Variants in PBX1 observed in about 807,000 individuals in gnomAD.
PBX1 encodes PBX homeobox 1.
Under a neutral mutation model 53.4 loss-of-function variants are expected in PBX1, and 6 were observed. That is an observed-to-expected ratio of 0.11 (90% CI 0.06 to 0.22). The LOEUF is 0.22. PBX1 is among the 10% of genes least tolerant of loss of function. PBX1 has a pLI of 1.00. For synonymous variants in PBX1, 204 were observed against 212.3 expected (o/e 0.96, Z 0.34); for missense variants, 251 against 551.4 (o/e 0.46, Z 5.46).
chr1:164,570,321 C>G (rs575838388), intron 2 of PBX1, among the ~76,000 whole-genome samples: 1 of 152,170 alleles, frequency 6.6e-6, no homozygotes, highest in African/African-American at 2.4e-5. Flanking sequence ...AACCCGTCAT[C>G]TACATTAGGT....
At chr1:164,839,074 T>C (rs1671173519) in intron 8 of PBX1, among the ~76,000 whole-genome samples, 2 of 152,214 alleles carry the variant, frequency 1.3e-5, no homozygotes, top group Admixed American at 6.5e-5. Flanking sequence ...CTGGCCTTCT[T>C]TGAGTCCCTT....
chr1:164,863,858 C>A (rs1254916726), intron 2 of PBX1, among the ~76,000 whole-genome samples: 1 of 152,158 alleles, frequency 6.6e-6, no homozygotes, highest in Non-Finnish European at 1.5e-5. Flanking sequence ...CATGTTTTCA[C>A]TCATTTTTCA....
chr1:164,578,370 ATCTC>A, intron 2 of PBX1, among the ~76,000 whole-genome samples: 1 of 152,326 alleles, frequency 6.6e-6, no homozygotes, highest in Admixed American at 6.5e-5. Context: ...TTAAAAATGA[ATCTC>A]TATCCTGGTT....
intron 2 of PBX1, among the ~76,000 whole-genome samples, chr1:164,761,050 G>A (rs1358083859): frequency 6.6e-6 from 1 of 152,136 alleles, no homozygotes; most frequent in African/African-American, 2.4e-5. Flanking sequence ...TCTTTTTGGT[G>A]TCTATTTCTC....
chr1:164,561,257 A>C (rs1268902509), intron 1 of PBX1, among the ~76,000 whole-genome samples: 1 of 152,226 alleles, frequency 6.6e-6, no homozygotes, highest in African/African-American at 2.4e-5. Flanking sequence ...TGTCTACGTG[A>C]AATAAGAATC....
intron 8 of PBX1, chr1:164,828,953 C>A (rs1221010704): frequency 6.6e-6 from 1 of 152,122 alleles, no homozygotes; most frequent in Non-Finnish European, 1.5e-5. Context: ...CAATCTCTGG[C>A]TACATTTGAG....
At chr1:164,634,430 A>C (rs1029775063) in intron 2 of PBX1, among the ~76,000 whole-genome samples, 1 of 152,160 alleles carries the variant, frequency 6.6e-6, no homozygotes, top group Non-Finnish European at 1.5e-5. Context: ...TTATCTCCTA[A>C]AGCATTTATT....
chr1:164,799,096 T>C (rs569949763), intron 3 of PBX1, among the ~76,000 whole-genome samples: 16 of 152,162 alleles, frequency 1.1e-4, no homozygotes, highest in Non-Finnish European at 1.5e-4. Context: ...GTAGTGTGTT[T>C]TATACTAGAA....
At chr1:164,759,640 A>G (rs1666707884) in intron 2 of PBX1, among the ~76,000 whole-genome samples, 1 of 152,230 alleles carries the variant, frequency 6.6e-6, no homozygotes, top group Non-Finnish European at 1.5e-5. Flanking sequence ...GGGGCCAACC[A>G]GCCTTGACAA....
At position 164,598,768 on chromosome 1, in the gene PBX1, T is replaced by C. The variant is rs74432026; in HGVS notation, c.265+35457T>C. ...CAGCCAAATTTTTCATAAAGAGCCT[T>C]ACACCTGAAATAGCTTGACATTGTG... On this transcript the variant is annotated intron_variant, in intron 2 of 8. Transcript: ENST00000420696. Among the ~76,000 whole-genome samples the C allele has an allele frequency of 6.7e-3, 1,019 of 152,336 alleles. 14 individuals carry two copies. Among genetic ancestry groups the C allele is most frequent in the African/African-American group, 0.023 (977 of 41,586 alleles).
chr1:164,768,702 C>T (rs74121224), intron 2 of PBX1, among the ~76,000 whole-genome samples: 272 of 152,344 alleles, frequency 1.8e-3, no homozygotes, highest in African/African-American at 6.1e-3. Context: ...ACCCAATCCA[C>T]TCTGCCTCAT....
At chr1:164,742,570 C>T (rs1665670155) in intron 2 of PBX1, among the ~76,000 whole-genome samples, 1 of 152,094 alleles carries the variant, frequency 6.6e-6, no homozygotes, top group Admixed American at 6.6e-5. Context: ...ACTTGGTTTT[C>T]AGTACAGTAG....
chr1:164,677,338 C>A (rs1005994865), intron 2 of PBX1, among the ~76,000 whole-genome samples: 1 of 150,824 alleles, frequency 6.6e-6, no homozygotes, highest in South Asian at 2.1e-4. Flanking sequence ...ATGATCCACC[C>A]GCCTCGGCCT....
intron 2 of PBX1, among the ~76,000 whole-genome samples, chr1:164,757,355 A>G (rs909323927): frequency 6.6e-6 from 1 of 152,178 alleles, no homozygotes; most frequent in East Asian, 1.9e-4. Flanking sequence ...TTCTAAGCAA[A>G]TGCCATTGGA....
At chr1:164,603,142 G>A (rs1656292081) in intron 2 of PBX1, among the ~76,000 whole-genome samples, 1 of 150,362 alleles carries the variant, frequency 6.7e-6, no homozygotes, top group Non-Finnish European at 1.5e-5. Context: ...AACAGAGTCA[G>A]AATGAGGCTA....
downstream of PBX1, among the ~76,000 whole-genome samples, chr1:164,854,945 CTTT>C (rs539213655): frequency 3.4e-5 from 4 of 116,340 alleles, no homozygotes; most frequent in Admixed American, 9.2e-5. Context: ...CTCTCTCTCT[CTTT>C]TTTTTTTTTT....
chr1:164,696,520 G>T (rs1662807884), intron 2 of PBX1, among the ~76,000 whole-genome samples: 1 of 152,160 alleles, frequency 6.6e-6, no homozygotes, highest in South Asian at 2.1e-4. Flanking sequence ...TGCATCGTAT[G>T]CAAGTTTGGA....
At chr1:164,853,742 TTAC>T (rs1671913568), downstream of PBX1, among the ~76,000 whole-genome samples, 1 of 152,090 alleles carries the variant, frequency 6.6e-6, no homozygotes, top group South Asian at 2.1e-4. Flanking sequence ...ACTGACATGT[TTAC>T]TGCTAGCTGG....
chr1:164,803,706 C>T (rs1258675333), intron 4 of PBX1, among the ~76,000 whole-genome samples: 1 of 152,146 alleles, frequency 6.6e-6, no homozygotes, highest in South Asian at 2.1e-4. Context: ...AGGAAAGATC[C>T]ACTGAAAACC....
Sources: gnomAD v4.1 joint callset for allele counts (sites outside exome capture counted in the v4.1 genomes callset) on GRCh38, gnomAD v4.1.1 for gene constraint, MANE v1.5 for transcripts, NCBI Gene and HGNC (gene_info 2026-07-23, HGNC 2026-07-21) for gene names.